The following NLGN1 variants were observed in gnomAD, a reference collection of about 807,000 sequenced individuals.
NLGN1 encodes neuroligin-1.
In NLGN1, 12 loss-of-function variants were observed where a neutral mutation model predicts 65.5. The ratio of observed to expected loss-of-function variants is 0.18; its 90% CI spans 0.12 to 0.30. The LOEUF is 0.30. NLGN1 is among the 10% of genes least tolerant of loss of function. NLGN1 has a pLI of 1.00. For missense variants in NLGN1, 750 were observed against 1,007.1 expected (o/e 0.74, Z 3.46); for synonymous variants, 350 against 359.5 (o/e 0.97, Z 0.30).
chr3:174,234,939 T>A (rs183671900), intron 4 of NLGN1, among the ~76,000 whole-genome samples: 20 of 151,096 alleles, frequency 1.3e-4, no homozygotes, highest in South Asian at 2.1e-4. Context: ...GATGCATTTT[T>A]TATATATATA....
downstream of NLGN1, among the ~76,000 whole-genome samples, chr3:174,289,421 C>T (rs1446191140): frequency 6.6e-6 from 1 of 151,312 alleles, no homozygotes; most frequent in African/African-American, 2.4e-5. Context: ...ATTACTCTTC[C>T]TCTTTTCTAC....
intron 4 of NLGN1, among the ~76,000 whole-genome samples, chr3:174,180,131 G>C (rs1730125537): frequency 6.6e-6 from 1 of 152,146 alleles, no homozygotes; most frequent in East Asian, 1.9e-4. Flanking sequence ...AGGCGAAAGA[G>C]TCACAGAAGA....
chr3:173,824,723 C>A (rs1166629117), intron 4 of NLGN1, among the ~76,000 whole-genome samples: 1 of 152,144 alleles, frequency 6.6e-6, no homozygotes, highest in Admixed American at 6.6e-5. Context: ...CTCATATGAT[C>A]GTGCTGTGTC....
At chr3:173,584,274 A>G (rs1450038307) in intron 2 of NLGN1, among the ~76,000 whole-genome samples, 5 of 148,896 alleles carry the variant, frequency 3.4e-5, no homozygotes, top group Admixed American at 3.4e-4. Context: ...AGGAGAGGGG[A>G]TGGGAAAAAA....
intron 3 of NLGN1, among the ~76,000 whole-genome samples, chr3:173,687,360 G>A (rs892649883): frequency 3.9e-5 from 6 of 152,170 alleles, no homozygotes; most frequent in Admixed American, 6.5e-5. Flanking sequence ...ATGTACATGC[G>A]TGGGTATGGC....
intron 4 of NLGN1, among the ~76,000 whole-genome samples, chr3:173,891,668 A>G (rs1735360476): frequency 6.6e-6 from 1 of 152,116 alleles, no homozygotes; most frequent in Admixed American, 6.6e-5. Flanking sequence ...CAACTCTAAA[A>G]CTTACCAAGG....
chr3:173,398,442 T>C (rs1717024717), upstream of NLGN1: 1 of 152,170 alleles, frequency 6.6e-6, no homozygotes, highest in African/African-American at 2.4e-5. Flanking sequence ...TTCCAAACAT[T>C]TAAACCGTTC....
In NLGN1 at chr3:173,879,376, A is replaced by G. The variant is rs575964057; in HGVS notation, c.646+71544A>G. 2.6e-5 allele frequency among the ~76,000 whole-genome samples: 4 copies of G among 152,330 alleles called. No individual in the cohort carries two copies. In the South Asian group the frequency reaches 8.3e-4, roughly 32 times the overall value. ...TTCACTGGGTCTAATGCCATCTTCA[A>G]TCTGCTATTAATCTCATCCACTGAA... On this transcript the variant is annotated intron_variant, in intron 4 of 6. Coordinates refer to ENST00000457714, the Ensembl canonical transcript of NLGN1.
chr3:173,935,327 G>A (rs768410497), intron 4 of NLGN1, among the ~76,000 whole-genome samples: 19 of 151,922 alleles, frequency 1.3e-4, no homozygotes, highest in Non-Finnish European at 2.5e-4. Flanking sequence ...GAAGTTTAGC[G>A]GCAGCTTAGT....
intron 4 of NLGN1, among the ~76,000 whole-genome samples, chr3:173,808,677 G>A (rs1717203168): frequency 6.6e-6 from 1 of 152,106 alleles, no homozygotes; most frequent in Non-Finnish European, 1.5e-5. Context: ...AGAGCACAAT[G>A]CATCCACAAA....
chr3:173,928,220 T>C (rs558043663), intron 4 of NLGN1, among the ~76,000 whole-genome samples: 2 of 152,290 alleles, frequency 1.3e-5, no homozygotes, highest in Admixed American at 1.3e-4. Flanking sequence ...GGAAAATTAA[T>C]TTGTCCAGGG....
intron 3 of NLGN1, among the ~76,000 whole-genome samples, chr3:173,608,861 A>G (rs1404244923): frequency 1.3e-5 from 2 of 151,900 alleles, no homozygotes; most frequent in Non-Finnish European, 2.9e-5. Context: ...GAATCAAGCT[A>G]ATGTTAGCAG....
intron 4 of NLGN1, among the ~76,000 whole-genome samples, chr3:174,018,723 T>C (rs1727126620): frequency 1.3e-5 from 2 of 152,132 alleles, no homozygotes; most frequent in Admixed American, 6.6e-5. Flanking sequence ...GTGGTGCTCA[T>C]TGATTTCCCC....
chr3:174,126,375 A>G (rs183907614), intron 4 of NLGN1, among the ~76,000 whole-genome samples: 1 of 152,282 alleles, frequency 6.6e-6, no homozygotes, highest in Admixed American at 6.5e-5. Context: ...GACCTGGGTC[A>G]TAGTTTAAAA....
intron 4 of NLGN1, among the ~76,000 whole-genome samples, chr3:173,972,409 C>T (rs1716468998): frequency 6.6e-6 from 1 of 152,076 alleles, no homozygotes. Flanking sequence ...AGAATGAATG[C>T]AAAGGCGCAG....
intron 4 of NLGN1, among the ~76,000 whole-genome samples, chr3:173,852,182 C>T (rs1227762949): frequency 1.3e-5 from 2 of 150,806 alleles, no homozygotes; most frequent in African/African-American, 4.9e-5. Flanking sequence ...CGGTGAAACC[C>T]TGTCTCTACT....
At chr3:174,042,929 G>A (rs1039139466) in intron 4 of NLGN1, among the ~76,000 whole-genome samples, 3 of 152,108 alleles carry the variant, frequency 2.0e-5, no homozygotes, top group Non-Finnish European at 4.4e-5. Flanking sequence ...CTAAGACTGG[G>A]TAATTTATAA....
At chr3:174,111,892 T>C (rs1715303372) in intron 4 of NLGN1, among the ~76,000 whole-genome samples, 1 of 151,952 alleles carries the variant, frequency 6.6e-6, no homozygotes. Flanking sequence ...GCATATTAAA[T>C]CCAGTTTTAA....
At chr3:173,677,431 T>A (rs1188908524) in intron 3 of NLGN1, among the ~76,000 whole-genome samples, 1 of 152,062 alleles carries the variant, frequency 6.6e-6, no homozygotes, top group Non-Finnish European at 1.5e-5. Context: ...GCTTGGTTTT[T>A]ATTTACTTTA....
Sources: gnomAD v4.1 joint callset for allele counts (sites outside exome capture counted in the v4.1 genomes callset) on GRCh38, gnomAD v4.1.1 for gene constraint, MANE v1.5 for transcripts, NCBI Gene and HGNC (gene_info 2026-07-23, HGNC 2026-07-21) for gene names.